Variants in BNC2 observed in about 807,000 individuals in gnomAD.
The protein encoded by BNC2 is zinc finger protein basonuclin-2.
A neutral mutation model predicts 76.3 loss-of-function variants in BNC2; 20 were observed. The ratio of observed to expected loss-of-function variants is 0.26; its 90% CI spans 0.18 to 0.38. BNC2 has a LOEUF of 0.38. Among genes scored for constraint, BNC2 ranks in the 10% least tolerant of loss-of-function variants. The pLI, the probability that BNC2 is intolerant of heterozygous loss-of-function variation, is 1.00. For missense variants in BNC2, 1,382 were observed against 1,399.8 expected (o/e 0.99, Z 0.20); for synonymous variants, 582 against 514.8 (o/e 1.13, Z -1.77).
intron 5 of BNC2, among the ~76,000 whole-genome samples, chr9:16,532,705 A>G (rs1177104783): frequency 1.3e-5 from 2 of 152,190 alleles, no homozygotes; most frequent in African/African-American, 4.8e-5. Context: ...ACATTTTACT[A>G]TTATCTATGT....
chr9:16,851,346 A>G (rs1819122835), intron 1 of BNC2, among the ~76,000 whole-genome samples: 1 of 150,634 alleles, frequency 6.6e-6, no homozygotes, highest in East Asian at 2.0e-4. Context: ...TGTCTCTACA[A>G]AAAAAAAAAC....
intron 1 of BNC2, among the ~76,000 whole-genome samples, chr9:16,754,403 C>G (rs944840002): frequency 4.6e-5 from 7 of 152,150 alleles, no homozygotes; most frequent in African/African-American, 1.7e-4. Context: ...ACCCAACAAA[C>G]TTGCAAACTG....
intron 5 of BNC2, among the ~76,000 whole-genome samples, chr9:16,514,948 T>G (rs568209244): frequency 2.6e-5 from 4 of 152,348 alleles, no homozygotes; most frequent in Non-Finnish European, 5.9e-5. Context: ...CATTGATTAC[T>G]GATTCCAGAT....
At chr9:16,748,438 G>C (rs553069046) in intron 1 of BNC2, among the ~76,000 whole-genome samples, 2 of 152,078 alleles carry the variant, frequency 1.3e-5, no homozygotes, top group African/African-American at 4.8e-5. Context: ...ACCTGAGCCC[G>C]GGGTGGTCGA....
At chr9:16,467,394 G>A (rs1177027643) in intron 5 of BNC2, among the ~76,000 whole-genome samples, 1 of 149,950 alleles carries the variant, frequency 6.7e-6, no homozygotes, top group African/African-American at 2.5e-5. Flanking sequence ...TATGTTTATT[G>A]CGGCACTATT....
intron 3 of BNC2, among the ~76,000 whole-genome samples, chr9:16,586,929 T>C (rs1387725367): frequency 6.6e-6 from 1 of 152,200 alleles, no homozygotes; most frequent in Non-Finnish European, 1.5e-5. Context: ...AGGATTTTAA[T>C]TTATTTATTT....
Position 16,678,264 on chromosome 9 carries a change from T to TCTC in BNC2, c.330+49532_330+49533insGAG, listed in dbSNP as rs1245479800. Among the ~76,000 whole-genome samples, 643 of 135,808 alleles carry TCTC rather than the reference T, an allele frequency of 4.7e-3. 64 individuals are homozygous for TCTC. Among genetic ancestry groups the TCTC allele is most frequent in the East Asian group, 0.037 (111 of 3,028 alleles). 89.1% of individuals were successfully genotyped at this position (135,808 alleles called of 152,430 possible). On this transcript the variant is annotated intron_variant, in intron 3 of 6. Transcript: ENST00000380672. ...ATAACTTGTAACTGTTTTCTTTCTT[T>TCTC]TTCTTTTTTTTTTTTTTTTTTTTTT...
At chr9:16,715,274 A>C (rs1823966652) in intron 3 of BNC2, among the ~76,000 whole-genome samples, 1 of 152,182 alleles carries the variant, frequency 6.6e-6, no homozygotes, top group Non-Finnish European at 1.5e-5. Flanking sequence ...TTGCCCACAC[A>C]GGTGATTTTT....
chr9:16,737,000 T>G (rs1400919815), intron 2 of BNC2, among the ~76,000 whole-genome samples: 1 of 150,952 alleles, frequency 6.6e-6, no homozygotes. Flanking sequence ...GAGACAGGGT[T>G]TCTCCATGTT....
Position 16,451,689 on chromosome 9 carries a change from T to C in BNC2, c.670-14165A>G, listed in dbSNP as rs555194688. ...AGCCCAACTGAAATTAACCTCTCCATGAAATGTTTCCTCTCCTATCTTTTT... is the reference window on the plus strand; with the variant it reads ...AGCCCAACTGAAATTAACCTCTCCACGAAATGTTTCCTCTCCTATCTTTTT... On this transcript the variant is annotated intron_variant, in intron 5 of 6. Coordinates refer to ENST00000380672, the MANE Select transcript of BNC2 (RefSeq NM_017637.6). 5.3e-5 allele frequency among the ~76,000 whole-genome samples: 8 copies of C among 152,276 alleles called. No homozygotes were observed. In the East Asian group the frequency reaches 1.5e-3, roughly 29 times the overall value.
In BNC2 at chr9:16,616,781, G is replaced by GAGGAGGGA. The variant is rs1309978519; in HGVS notation, c.331-33697_331-33696insTCCCTCCT. On this transcript the variant is annotated intron_variant, in intron 3 of 6. Transcript: ENST00000380672. ...GGAAGACAGGGATGGGAGGGGAGGG[G>GAGGAGGGA]AGGAAGGAGGGAAGGAAGGAAGGAA... Among the ~76,000 whole-genome samples, 25 of 52,792 alleles carry GAGGAGGGA rather than the reference G, an allele frequency of 4.7e-4. No homozygotes were observed. In the East Asian group the frequency reaches 0.016, roughly 34 times the overall value. 34.6% of individuals were successfully genotyped at this position (52,792 alleles called of 152,430 possible).
chr9:16,687,449 TTG>T (rs1218752996), intron 3 of BNC2, among the ~76,000 whole-genome samples: 1 of 152,146 alleles, frequency 6.6e-6, no homozygotes, highest in Non-Finnish European at 1.5e-5. Flanking sequence ...TGCATTTGTG[TTG>T]TGTCACACAT....
At chr9:16,423,953 C>G (rs1820756225) in intron 6 of BNC2, among the ~76,000 whole-genome samples, 1 of 152,160 alleles carries the variant, frequency 6.6e-6, no homozygotes, top group Non-Finnish European at 1.5e-5. Flanking sequence ...CAGAACCAAA[C>G]TTCCTTCTTC....
At chr9:16,739,550 T>C (rs886649327) in intron 1 of BNC2, among the ~76,000 whole-genome samples, 1 of 152,156 alleles carries the variant, frequency 6.6e-6, no homozygotes, top group South Asian at 2.1e-4. Context: ...TGCATGCCTG[T>C]AGTCCCAGCT....
chr9:16,472,216 G>A (rs1218243964), intron 5 of BNC2, among the ~76,000 whole-genome samples: 1 of 152,184 alleles, frequency 6.6e-6, no homozygotes, highest in Admixed American at 6.5e-5. Context: ...AAGGAGTCTG[G>A]ACAGTACAGG....
chr9:16,574,943 A>G (rs1204331759), intron 4 of BNC2, among the ~76,000 whole-genome samples: 1 of 152,220 alleles, frequency 6.6e-6, no homozygotes, highest in African/African-American at 2.4e-5. Context: ...GGCCACACCC[A>G]ACTTTTAATC....
At chr9:16,695,545 T>C (rs1823312951) in intron 3 of BNC2, among the ~76,000 whole-genome samples, 1 of 150,816 alleles carries the variant, frequency 6.6e-6, no homozygotes, top group African/African-American at 2.4e-5. Context: ...CTTTTTTTTT[T>C]TTTTTTTTGA....
At chr9:16,659,606 CAAAAA>C (rs779661465) in intron 3 of BNC2, among the ~76,000 whole-genome samples, 2 of 122,962 alleles carry the variant, frequency 1.6e-5, no homozygotes. Context: ...GACTCCGTCT[CAAAAA>C]AAAAAAAAAA....
intron 5 of BNC2, among the ~76,000 whole-genome samples, chr9:16,486,383 T>C (rs572744930): frequency 1.8e-4 from 28 of 152,336 alleles, no homozygotes; most frequent in Non-Finnish European, 2.2e-4. Flanking sequence ...TCCTTCTTTA[T>C]TTGGTTAAAT....
Sources: allele counts gnomAD v4.1 joint callset (sites outside exome capture counted in the v4.1 genomes callset), GRCh38; gene constraint gnomAD v4.1.1; transcripts MANE v1.5; gene names NCBI Gene and HGNC (gene_info 2026-07-23, HGNC 2026-07-21).